Variants in AGBL4 observed in about 807,000 individuals in gnomAD.
The protein encoded by AGBL4 is cytosolic carboxypeptidase 6.
A neutral mutation model predicts 66.4 loss-of-function variants in AGBL4; 58 were observed. The observed-to-expected ratio is 0.87, with a 90% CI of 0.71 to 1.09. The LOEUF (loss-of-function observed/expected upper bound fraction) is 1.09. Ranked by LOEUF, AGBL4 falls within the 50% of genes least tolerant of loss-of-function variation. The probability of loss-of-function intolerance (pLI) is 0.00; values close to 1 mark genes in which losing one functional copy is unlikely to be tolerated. For missense variants in AGBL4, 579 were observed against 631.0 expected, an observed-to-expected ratio of 0.92 and a Z score of 0.88; for synonymous variants, 234 against 222.9, an observed-to-expected ratio of 1.05 and a Z score of -0.44.
At chr1:49,947,523 G>A (rs1320599991) in intron 1 of AGBL4, among the ~76,000 whole-genome samples, 1 of 151,490 alleles carries the variant, frequency 6.6e-6, no homozygotes, top group Non-Finnish European at 1.5e-5. Context: ...CAGCAAAATC[G>A]GCATACAAAG....
At chr1:48,880,180 T>G (rs960591536) in intron 5 of AGBL4, among the ~76,000 whole-genome samples, 1 of 152,182 alleles carries the variant, frequency 6.6e-6, no homozygotes, top group Non-Finnish European at 1.5e-5. Flanking sequence ...AGCATCCTTA[T>G]AGCTTAGCTA....
At chr1:48,529,045 A>T (rs1256583766), downstream of AGBL4, among the ~76,000 whole-genome samples, 1 of 151,798 alleles carries the variant, frequency 6.6e-6, no homozygotes, top group Non-Finnish European at 1.5e-5. Flanking sequence ...TTTTTGGGTG[A>T]CCTCACTCTC....
At chr1:48,629,910 C>T (rs1183412363) in intron 9 of AGBL4, among the ~76,000 whole-genome samples, 3 of 152,124 alleles carry the variant, frequency 2.0e-5, no homozygotes, top group Non-Finnish European at 4.4e-5. Context: ...TTCCTTTTAT[C>T]AGGAAAGTCT....
intron 6 of AGBL4, among the ~76,000 whole-genome samples, chr1:48,784,643 T>C (rs2148722413): frequency 6.6e-6 from 1 of 152,268 alleles, no homozygotes; most frequent in East Asian, 1.9e-4. Flanking sequence ...TGTAGAAGCG[T>C]TTACAGCAAT....
chr1:49,018,099 C>T (rs1234150277), intron 5 of AGBL4, among the ~76,000 whole-genome samples: 5 of 152,152 alleles, frequency 3.3e-5, no homozygotes, highest in Non-Finnish European at 7.3e-5. Context: ...TAGGAAGAGG[C>T]ACAAGTTATT....
At chr1:49,576,474 C>T (rs868082625) in intron 3 of AGBL4, among the ~76,000 whole-genome samples, 93 of 152,204 alleles carry the variant, frequency 6.1e-4, no homozygotes, top group African/African-American at 2.1e-3. Flanking sequence ...CCATTTTCTG[C>T]ACATAACTAC....
At chr1:49,052,282 T>G (rs1468754319) in intron 4 of AGBL4, among the ~76,000 whole-genome samples, 1 of 152,172 alleles carries the variant, frequency 6.6e-6, no homozygotes, top group Non-Finnish European at 1.5e-5. Context: ...TGGTGGCTGC[T>G]GGCAGAATGC....
intron 5 of AGBL4, among the ~76,000 whole-genome samples, chr1:49,014,925 A>G (rs543017341): frequency 6.6e-6 from 1 of 152,314 alleles, no homozygotes; most frequent in East Asian, 1.9e-4. Context: ...TATCTTACCA[A>G]TGGACCCAGG....
At chr1:48,897,624 C>T (rs544564297) in intron 5 of AGBL4, among the ~76,000 whole-genome samples, 2 of 152,328 alleles carry the variant, frequency 1.3e-5, no homozygotes, top group Admixed American at 6.5e-5. Context: ...CTTTTCTCCA[C>T]ATCCTCACTT....
At position 49,129,347 on chromosome 1, in the gene AGBL4, T is replaced by G. The variant is rs905147733; in HGVS notation, c.378-83547A>C. ...TATTATTATACTTTAAGTTTTAGGG[T>G]ACATGTGCACAATGTGCAGGTTAGT... is the stretch of plus-strand genomic sequence containing the variant. On this transcript the variant is annotated intron_variant, in intron 4 of 13. Coordinates refer to ENST00000371839, the MANE Select transcript of AGBL4 (RefSeq NM_032785.4). Among the ~76,000 whole-genome samples the G allele has an allele frequency of 2.0e-5, 3 of 152,048 alleles. No individual in the cohort carries two copies. In the East Asian group the frequency reaches 5.8e-4, roughly 29 times the overall value.
chr1:49,512,122 G>A (rs1649326408), intron 3 of AGBL4, among the ~76,000 whole-genome samples: 1 of 151,848 alleles, frequency 6.6e-6, no homozygotes, highest in Admixed American at 6.6e-5. Context: ...TAAGAAAAAA[G>A]GTAAAGCAGA....
At chr1:48,580,743 G>A (rs1041226428) in intron 11 of AGBL4, among the ~76,000 whole-genome samples, 1 of 152,146 alleles carries the variant, frequency 6.6e-6, no homozygotes. Flanking sequence ...CACCTTGTGA[G>A]TACTGCCTGT....
At chr1:48,654,879 C>T (rs1339279343) in intron 7 of AGBL4, among the ~76,000 whole-genome samples, 1 of 152,196 alleles carries the variant, frequency 6.6e-6, no homozygotes, top group Non-Finnish European at 1.5e-5. Flanking sequence ...TTTGTTGGTC[C>T]TCATATTAAA....
chr1:49,948,226 A>G (rs1264016982), intron 1 of AGBL4, among the ~76,000 whole-genome samples: 2 of 102,118 alleles, frequency 2.0e-5, no homozygotes, highest in Non-Finnish European at 3.4e-5. Flanking sequence ...ATATATAAAT[A>G]TATATAAATA....
At chr1:48,845,607 G>C (rs1461046665) in intron 6 of AGBL4, among the ~76,000 whole-genome samples, 2 of 152,310 alleles carry the variant, frequency 1.3e-5, no homozygotes, top group South Asian at 2.1e-4. Flanking sequence ...CCCACCCCAA[G>C]AGCTGAAGCA....
intron 1 of AGBL4, among the ~76,000 whole-genome samples, chr1:50,016,282 C>T (rs976942740): frequency 7.2e-5 from 11 of 152,162 alleles, no homozygotes; most frequent in Non-Finnish European, 1.2e-4. Flanking sequence ...AATTAACAGG[C>T]TGGGCGTGGT....
intron 2 of AGBL4, among the ~76,000 whole-genome samples, chr1:49,832,844 G>GT (rs1285061341): frequency 6.6e-6 from 1 of 152,026 alleles, no homozygotes; most frequent in Non-Finnish European, 1.5e-5. Flanking sequence ...TGATGGGGTT[G>GT]TTTTTTTCTT....
At chr1:49,952,838 G>C (rs962513715) in intron 1 of AGBL4, among the ~76,000 whole-genome samples, 3 of 151,936 alleles carry the variant, frequency 2.0e-5, no homozygotes, top group African/African-American at 7.2e-5. Flanking sequence ...TAGGAAAAGA[G>C]TATGCTGGGG....
At chr1:48,746,292 C>A (rs538846918) in intron 6 of AGBL4, among the ~76,000 whole-genome samples, 1 of 152,100 alleles carries the variant, frequency 6.6e-6, no homozygotes, top group Non-Finnish European at 1.5e-5. Flanking sequence ...TACACTTGTG[C>A]GCTTAAGTTC....
Sources: gnomAD v4.1 joint callset for allele counts (sites outside exome capture counted in the v4.1 genomes callset) on GRCh38, gnomAD v4.1.1 for gene constraint, MANE v1.5 for transcripts, NCBI Gene and HGNC (gene_info 2026-07-23, HGNC 2026-07-21) for gene names.